BANK1: variants seen among roughly 807,000 people sequenced by gnomAD.
The protein encoded by BANK1 is B cell scaffold protein with ankyrin repeats 1.
BANK1 carries 95 observed loss-of-function variants against 94.5 expected under a neutral mutation model. The observed-to-expected ratio is 1.00, with a 90% CI of 0.85 to 1.19. BANK1 has a LOEUF of 1.19. Among genes scored for constraint, BANK1 ranks in the 50% most tolerant of loss-of-function variants. The probability of loss-of-function intolerance (pLI) is 0.00; values close to 1 mark genes in which losing one functional copy is unlikely to be tolerated. For missense variants in BANK1, 987 were observed against 932.2 expected (o/e 1.06, Z -0.77); for synonymous variants, 334 against 308.4 (o/e 1.08, Z -0.87).
intron 13 of BANK1, among the ~76,000 whole-genome samples, chr4:102,070,397 T>C (rs904931237): frequency 1.3e-5 from 2 of 152,164 alleles, no homozygotes; most frequent in African/African-American, 4.8e-5. Context: ...TTTCTTTTCT[T>C]TTCCAGTGGA....
intron 7 of BANK1, among the ~76,000 whole-genome samples, chr4:101,957,843 G>GTTTTTTT (rs1578420630): frequency 1.0e-5 from 1 of 96,032 alleles, no homozygotes. Context: ...TTTGTTTTTT[G>GTTTTTTT]CTTTTTTTTT....
At chr4:101,986,001 A>C (rs896939291) in intron 7 of BANK1, among the ~76,000 whole-genome samples, 1 of 152,152 alleles carries the variant, frequency 6.6e-6, no homozygotes, top group Non-Finnish European at 1.5e-5. Flanking sequence ...TTCAGAAAAT[A>C]TGTATTTAAT....
intron 7 of BANK1, among the ~76,000 whole-genome samples, chr4:101,988,011 A>G (rs973259416): frequency 1.3e-5 from 2 of 152,150 alleles, no homozygotes; most frequent in African/African-American, 4.8e-5. Context: ...AATAACCATG[A>G]AGAGCAGAGG....
intron 7 of BANK1, among the ~76,000 whole-genome samples, chr4:101,924,171 A>G (rs1358908464): frequency 6.6e-6 from 1 of 151,808 alleles, no homozygotes; most frequent in Non-Finnish European, 1.5e-5. Flanking sequence ...TATTTAGAAA[A>G]ACTGTCCTTA....
intron 13 of BANK1, among the ~76,000 whole-genome samples, chr4:102,065,823 GAGTT>G (rs1469271551): frequency 1.3e-5 from 2 of 151,990 alleles, no homozygotes; most frequent in Admixed American, 6.5e-5. Flanking sequence ...GACAAATTAA[GAGTT>G]AGTAAACAAA....
Position 102,023,059 on chromosome 4 carries a change from T to G in BANK1, c.1285+1467T>G, listed in dbSNP as rs56287160. On this transcript the variant is annotated intron_variant, in intron 8 of 16. Transcript: ENST00000322953. Reference sequence around the variant, plus strand: ...ATTTATCTGGTTGTTGTTTATTGCCTGTATTCTCTTTCTAAATCACATGCT... The same window carrying G: ...ATTTATCTGGTTGTTGTTTATTGCCGGTATTCTCTTTCTAAATCACATGCT... 1.8e-3 allele frequency among the ~76,000 whole-genome samples: 279 copies of G among 152,336 alleles called. 1 individual carries two copies. Among genetic ancestry groups the G allele is most frequent in the Non-Finnish European group, 3.3e-3 (226 of 68,018 alleles).
chr4:102,007,146 T>TATATATATATATA lies in BANK1; in HGVS notation c.1207-14368_1207-14367insATATATATATATA, dbSNP rs1560682317. Among the ~76,000 whole-genome samples the TATATATATATATA allele has an allele frequency of 9.7e-4, 37 of 38,046 alleles. 1 individual carries two copies. Among genetic ancestry groups the TATATATATATATA allele is most frequent in the South Asian group, 3.0e-3 (5 of 1,660 alleles). The allele number at this position is 38,046 out of a possible 152,430, so 25.0% of individuals were successfully genotyped here. On this transcript the variant is annotated intron_variant, in intron 7 of 16. Transcript: ENST00000322953. ...TTTATATATATATAAAAAATATATTTTATATATATATATATATATATATAA... is the reference window on the plus strand; with the variant it reads ...TTTATATATATATAAAAAATATATTTATATATATATATATATATATATATATATATATATATAA...
chr4:101,873,831 A>G (rs186384138), intron 5 of BANK1, among the ~76,000 whole-genome samples: 32 of 152,306 alleles, frequency 2.1e-4, no homozygotes, highest in African/African-American at 7.5e-4. Flanking sequence ...AGTGTTAGAA[A>G]TACTGGTAAC....
At chr4:101,980,036 T>C (rs1255134587) in intron 7 of BANK1, among the ~76,000 whole-genome samples, 1 of 151,918 alleles carries the variant, frequency 6.6e-6, no homozygotes, top group Admixed American at 6.6e-5. Context: ...TGAAAAATTC[T>C]CTAGATTTTG....
At chr4:101,906,800 A>G (rs1560626678) in intron 6 of BANK1, among the ~76,000 whole-genome samples, 1 of 152,022 alleles carries the variant, frequency 6.6e-6, no homozygotes, top group Non-Finnish European at 1.5e-5. Flanking sequence ...TTCTGTTCCA[A>G]CTGTTGCTCT....
At chr4:102,022,539 A>G (rs1225592786) in intron 8 of BANK1, among the ~76,000 whole-genome samples, 2 of 152,122 alleles carry the variant, frequency 1.3e-5, no homozygotes, top group Non-Finnish European at 1.5e-5. Context: ...CACTTCCTAC[A>G]TTGCAAGCTT....
intron 1 of BANK1, among the ~76,000 whole-genome samples, chr4:101,792,107 A>G (rs1725007060): frequency 1.3e-5 from 2 of 152,220 alleles, no homozygotes; most frequent in Admixed American, 6.5e-5. Context: ...TCAAACTTCT[A>G]GATTAAACAG....
chr4:101,869,851 A>G (rs1728218126), intron 4 of BANK1, among the ~76,000 whole-genome samples: 1 of 151,990 alleles, frequency 6.6e-6, no homozygotes, highest in Non-Finnish European at 1.5e-5. Flanking sequence ...TCTTTCATAG[A>G]AAGTCCTAAA....
chr4:101,816,734 T>C (rs2148856956), intron 1 of BANK1, among the ~76,000 whole-genome samples: 1 of 152,244 alleles, frequency 6.6e-6, no homozygotes, highest in South Asian at 2.1e-4. Flanking sequence ...TATATCATAC[T>C]TTTTTCTAAT....
intron 7 of BANK1, among the ~76,000 whole-genome samples, chr4:101,922,129 G>T (rs533167026): frequency 5.9e-5 from 9 of 151,338 alleles, no homozygotes; most frequent in Admixed American, 4.0e-4. Context: ...TCAAGGGCTT[G>T]GGTTTAAAAT....
At chr4:101,911,354 C>A (rs1472844021) in intron 6 of BANK1, among the ~76,000 whole-genome samples, 1 of 152,186 alleles carries the variant, frequency 6.6e-6, no homozygotes, top group African/African-American at 2.4e-5. Flanking sequence ...ATTACTATTA[C>A]AATGAATAAC....
At chr4:102,018,855 G>A (rs1408990992) in intron 7 of BANK1, among the ~76,000 whole-genome samples, 1 of 135,412 alleles carries the variant, frequency 7.4e-6, no homozygotes, top group East Asian at 2.1e-4. Context: ...GTCTCGCTCT[G>A]TCGGCCAGGC....
chr4:101,867,344 G>A (rs1246620117), intron 4 of BANK1, among the ~76,000 whole-genome samples: 4 of 151,886 alleles, frequency 2.6e-5, no homozygotes, highest in South Asian at 4.1e-4. Flanking sequence ...GTAGAAATAA[G>A]GATTTTTTCA....
rs1727199404 is a variant in BANK1, at chr4:101,845,231, G to A, written c.470-9804G>A. On this transcript the variant is annotated intron_variant, in intron 2 of 16. Coordinates refer to ENST00000322953, the MANE Select transcript of BANK1 (RefSeq NM_017935.5). ...CCCCATAAATATATATACCTACTAT[G>A]TACCAACAAAAGTTAAAAATTAAAA... 1.3e-5 allele frequency among the ~76,000 whole-genome samples: 2 copies of A among 151,680 alleles called. 1 individual carries two copies. The highest frequency in any genetic ancestry group is 1.3e-4 in the Admixed American group (2 of 15,246).
Sources: allele counts gnomAD v4.1 joint callset (sites outside exome capture counted in the v4.1 genomes callset), GRCh38; gene constraint gnomAD v4.1.1; transcripts MANE v1.5; gene names NCBI Gene and HGNC (gene_info 2026-07-23, HGNC 2026-07-21).